Variants in BRD1 observed in about 807,000 individuals in gnomAD.
BRD1 encodes bromodomain-containing protein 1.
BRD1 carries 24 observed loss-of-function variants against 107.7 expected under a neutral mutation model. The observed-to-expected ratio is 0.22, with a 90% CI of 0.16 to 0.31. The LOEUF (loss-of-function observed/expected upper bound fraction) is 0.31, where lower values mean the gene tolerates loss of function less well. Among genes scored for constraint, BRD1 ranks in the 10% least tolerant of loss-of-function variants. The pLI is 1.00. For missense variants in BRD1, 1,279 were observed against 1,638.6 expected (o/e 0.78, Z 3.79); for synonymous variants, 744 against 686.1 (o/e 1.08, Z -1.32).
At chr22:49,779,812 G>A (rs2059170361) in intron 8 of BRD1, among the ~76,000 whole-genome samples, 1 of 152,020 alleles carries the variant, frequency 6.6e-6, no homozygotes, top group African/African-American at 2.4e-5. Flanking sequence ...TGAAGGCAAG[G>A]GAAGCCCACC....
chr22:49,790,013 C>T (rs1306974571), intron 7 of BRD1, among the ~76,000 whole-genome samples: 2 of 152,238 alleles, frequency 1.3e-5, no homozygotes. Context: ...GGCCTCTCTG[C>T]GGCAGCTCCA....
chr22:49,810,012 A>G (rs1417198728), intron 2 of BRD1, among the ~76,000 whole-genome samples: 1 of 152,224 alleles, frequency 6.6e-6, no homozygotes, highest in Non-Finnish European at 1.5e-5. Context: ...TGTATAACCT[A>G]TTGGGCCATA....
At chr22:49,817,091 C>T (rs1185781013) in intron 2 of BRD1, among the ~76,000 whole-genome samples, 1 of 152,230 alleles carries the variant, frequency 6.6e-6, no homozygotes, top group African/African-American at 2.4e-5. Flanking sequence ...CCATAAGCTG[C>T]TCTATGACCC....
At chr22:49,827,386 A>AGCCGC (rs2060157996) in intron 1 of BRD1, 111 bp downstream of exon 1, 1 of 140,278 alleles carries the variant, frequency 7.1e-6, no homozygotes, top group Non-Finnish European at 1.4e-5. Context: ...GCCGCCGCCA[A>AGCCGC]ACATGGCGTC....
At chr22:49,826,921 G>T (rs1317313955) in intron 1 of BRD1, among the ~76,000 whole-genome samples, 2 of 152,146 alleles carry the variant, frequency 1.3e-5, no homozygotes, top group Admixed American at 6.5e-5. Context: ...GTTTTAAAAG[G>T]CCCGGGGAAG....
intron 8 of BRD1, among the ~76,000 whole-genome samples, chr22:49,782,457 C>T (rs57072226): frequency 0.18 from 25,727 of 139,874 alleles, 2,699 homozygotes; most frequent in African/African-American, 0.37. Context: ...TGCTCTGTGA[C>T]AATGCCGCTG....
chr22:49,774,880 G>C (rs555161523), intron 12 of BRD1, among the ~76,000 whole-genome samples: 3 of 152,272 alleles, frequency 2.0e-5, no homozygotes, highest in Non-Finnish European at 4.4e-5. Context: ...CGGTAGGGAT[G>C]CCTGTGCTGC....
rs114851175 is a variant in BRD1, at chr22:49,814,470, G to A, written c.1367+8481C>T. Reference sequence around the variant, plus strand: ...GGCACCACAAAGCCTGCTGCCCATCGCCAGGGGACACCTGCTCTTTTCACA... The same window carrying A: ...GGCACCACAAAGCCTGCTGCCCATCACCAGGGGACACCTGCTCTTTTCACA... On this transcript the variant is annotated intron_variant, in intron 2 of 12. Coordinates refer to ENST00000404760, the MANE Select transcript of BRD1 (RefSeq NM_001304808.3). Among the ~76,000 whole-genome samples, 431 of 152,306 alleles carry A rather than the reference G, an allele frequency of 2.8e-3. 1 individual carries two copies. Among genetic ancestry groups the A allele is most frequent in the African/African-American group, 9.2e-3 (381 of 41,572 alleles).
chr22:49,802,147 G>A (rs959958594), intron 3 of BRD1, among the ~76,000 whole-genome samples: 13 of 151,534 alleles, frequency 8.6e-5, no homozygotes, highest in Non-Finnish European at 1.5e-4. Context: ...GGAGACCAAT[G>A]CCTCCACTCT....
Position 49,797,836 on chromosome 22 carries a change from C to T in BRD1, c.2067G>A (p.Ala689=), listed in dbSNP as rs968494561. Residue 689 remains alanine, a synonymous_variant, in exon 6 of 13, where the codon GCG becomes GCA. Transcript: ENST00000404760. ...CCCAGGAGAAAGGCCGCCGCGGTGC[C>T]GCAGCAGGCCGCTCAGGCAGGTGCA... ...SGMHLPERPA[A]APRRPFSWED... 18 of 1,607,138 alleles carry T rather than the reference C, an allele frequency of 1.1e-5. No individual in the cohort carries two copies. The highest frequency in any genetic ancestry group is 3.3e-5 in the South Asian group (3 of 90,896).
At chr22:49,777,850 A>G in intron 8 of BRD1, 37 bp from the exon 9 acceptor site, 1 of 1,567,132 alleles carries the variant, frequency 6.4e-7, no homozygotes, top group Non-Finnish European at 8.6e-7. Flanking sequence ...GCTCAGCACA[A>G]CCAGGGCACA....
At chr22:49,776,860 C>T (rs1601598200) in intron 10 of BRD1, among the ~76,000 whole-genome samples, 174 bp downstream of exon 10, 1 of 152,360 alleles carries the variant, frequency 6.6e-6, no homozygotes, top group Admixed American at 6.5e-5. Context: ...CCCGGCAGGG[C>T]CACAGCCCAG....
At chr22:49,798,831 G>A in intron 4 of BRD1, 145 bp from the exon 5 acceptor site, 1 of 1,431,584 alleles carries the variant, frequency 7.0e-7, no homozygotes, top group Non-Finnish European at 9.2e-7. Flanking sequence ...TTAGGGCTCT[G>A]CAACCCATGG....
intron 8 of BRD1, among the ~76,000 whole-genome samples, chr22:49,780,397 T>C (rs73439743): frequency 0.016 from 2,479 of 152,198 alleles, 63 homozygotes; most frequent in African/African-American, 0.057. Flanking sequence ...CCCATGAAAA[T>C]GTGACAGCAC....
chr22:49,817,138 CT>C, intron 2 of BRD1: 1 of 152,970 alleles, frequency 6.5e-6, no homozygotes, highest in Non-Finnish European at 1.5e-5. Context: ...CACGCTGACC[CT>C]TTTCCCCTGA....
chr22:49,798,848 G>C, intron 4 of BRD1, 140 bp downstream of exon 4: 1 of 1,435,400 alleles, frequency 7.0e-7, no homozygotes, highest in Non-Finnish European at 9.1e-7. Flanking sequence ...ATGGCAGCCA[G>C]GCACCCAGCC....
rs2059128819 is a variant in BRD1 at position 49,777,737 on chromosome 22, T to C, written c.2934A>G (p.Arg978=). 2 of 1,607,202 alleles carry C rather than the reference T, an allele frequency of 1.2e-6. No individual in the cohort carries two copies. Residue 978 remains arginine, a synonymous_variant, in exon 9 of 13, where the codon CGA becomes CGG. Transcript: ENST00000404760. ...TGCTGGACTCGGAGGCACAGCGTCG[T>C]CGGGGTGTGGCCTTCCTCCCCAGGC... ...GGGLGRKATP[R]RRCASESSIS... is the part of the protein sequence containing the mutation.
At chr22:49,791,051 A>T (rs1157181849) in intron 7 of BRD1, among the ~76,000 whole-genome samples, 1 of 152,226 alleles carries the variant, frequency 6.6e-6, no homozygotes, top group Non-Finnish European at 1.5e-5. Context: ...TCACCATGTC[A>T]GCAGACACCA....
chr22:49,801,335 C>T (rs555619480), intron 3 of BRD1, among the ~76,000 whole-genome samples: 48 of 152,348 alleles, frequency 3.2e-4, no homozygotes, highest in Admixed American at 7.8e-4. Flanking sequence ...GACCCGCCAT[C>T]GCTGCAGCAC....
Sources: allele counts gnomAD v4.1 joint callset (sites outside exome capture counted in the v4.1 genomes callset), GRCh38; gene constraint gnomAD v4.1.1; transcripts MANE v1.5; gene names NCBI Gene and HGNC (gene_info 2026-07-23, HGNC 2026-07-21).